The following LUZP2 variants were observed in gnomAD, a reference collection of about 807,000 sequenced individuals.
The protein encoded by LUZP2 is leucine zipper protein 2.
A neutral mutation model predicts 51.6 loss-of-function variants in LUZP2; 52 were observed. The ratio of observed to expected loss-of-function variants is 1.01; its 90% CI spans 0.81 to 1.27. LUZP2 has a LOEUF of 1.27. LUZP2 is among the 50% of genes most tolerant of loss of function. The pLI is 0.00. For missense variants in LUZP2, 436 were observed against 395.4 expected (o/e 1.10, Z -0.87); for synonymous variants, 154 against 137.3 (o/e 1.12, Z -0.85).
At chr11:24,656,175 G>A (rs780966070) in intron 1 of LUZP2, among the ~76,000 whole-genome samples, 5 of 152,142 alleles carry the variant, frequency 3.3e-5, no homozygotes, top group Admixed American at 6.6e-5. Flanking sequence ...TCTCAATGCT[G>A]CTTAGGAGTG....
intron 5 of LUZP2, among the ~76,000 whole-genome samples, chr11:24,769,884 C>T (rs1190747024): frequency 6.6e-6 from 1 of 151,952 alleles, no homozygotes; most frequent in African/African-American, 2.4e-5. Flanking sequence ...CCTCCGCCTC[C>T]CGGGTTCAAG....
intron 1 of LUZP2, among the ~76,000 whole-genome samples, chr11:24,723,707 T>C (rs1858365323): frequency 6.6e-6 from 1 of 152,080 alleles, no homozygotes; most frequent in Non-Finnish European, 1.5e-5. Context: ...GATGTGTGCC[T>C]ATAGTTCCAG....
intron 1 of LUZP2, among the ~76,000 whole-genome samples, chr11:24,687,371 G>T (rs1856928192): frequency 6.6e-6 from 1 of 152,120 alleles, no homozygotes; most frequent in African/African-American, 2.4e-5. Context: ...GATAAACAAA[G>T]TATGAGGTAG....
chr11:24,636,794 T>G (rs1486261122), intron 1 of LUZP2, among the ~76,000 whole-genome samples: 2 of 151,856 alleles, frequency 1.3e-5, no homozygotes, highest in Non-Finnish European at 2.9e-5. Flanking sequence ...ACCAGAGACA[T>G]AAGAAAATAT....
intron 1 of LUZP2, among the ~76,000 whole-genome samples, chr11:24,577,437 T>C (rs534594510): frequency 4.6e-5 from 7 of 152,134 alleles, no homozygotes; most frequent in Non-Finnish European, 1.0e-4. Context: ...ACTCCCAATA[T>C]GCTAGAGGCA....
chr11:24,574,756 G>T (rs1852587344), intron 1 of LUZP2, among the ~76,000 whole-genome samples: 1 of 151,958 alleles, frequency 6.6e-6, no homozygotes, highest in Non-Finnish European at 1.5e-5. Flanking sequence ...TGGGAGTTGG[G>T]GATTTTGTCT....
intron 7 of LUZP2, among the ~76,000 whole-genome samples, chr11:24,961,768 G>A (rs1355083720): frequency 6.6e-6 from 1 of 150,814 alleles, no homozygotes; most frequent in Non-Finnish European, 1.5e-5. Context: ...ATATTGTTAT[G>A]TGTGAATTTG....
chr11:24,833,811 G>A (rs1022689029), intron 5 of LUZP2, among the ~76,000 whole-genome samples: 1 of 149,788 alleles, frequency 6.7e-6, no homozygotes, highest in African/African-American at 2.5e-5. Context: ...TGTATTCAGA[G>A]GAAAAGGTTG....
At chr11:24,650,210 A>G (rs193121453) in intron 1 of LUZP2, among the ~76,000 whole-genome samples, 5 of 152,118 alleles carry the variant, frequency 3.3e-5, no homozygotes, top group Admixed American at 3.3e-4. Flanking sequence ...CAGATTCCTT[A>G]TGAACAGAGA....
At chr11:25,045,836 A>T (rs1858288882) in intron 9 of LUZP2, among the ~76,000 whole-genome samples, 1 of 152,146 alleles carries the variant, frequency 6.6e-6, no homozygotes, top group African/African-American at 2.4e-5. Flanking sequence ...TCCCTGTATC[A>T]TCCAGGCCTC....
intron 1 of LUZP2, among the ~76,000 whole-genome samples, chr11:24,721,624 G>T (rs961143769): frequency 9.2e-5 from 14 of 152,126 alleles, no homozygotes; most frequent in African/African-American, 2.9e-4. Context: ...AAAGGATTGT[G>T]CACTGAAAAC....
At chr11:24,894,365 G>A (rs1014024015) in intron 5 of LUZP2, among the ~76,000 whole-genome samples, 17 of 151,902 alleles carry the variant, frequency 1.1e-4, no homozygotes, top group African/African-American at 3.9e-4. Flanking sequence ...AGTAGAGATG[G>A]GATTTCACCA....
At chr11:24,696,207 G>A (rs1857242309) in intron 1 of LUZP2, among the ~76,000 whole-genome samples, 1 of 151,970 alleles carries the variant, frequency 6.6e-6, no homozygotes, top group Non-Finnish European at 1.5e-5. Context: ...TGACTATTTG[G>A]GGAAGGACAA....
chr11:24,585,739 T>C (rs1197790543), intron 1 of LUZP2, among the ~76,000 whole-genome samples: 1 of 152,006 alleles, frequency 6.6e-6, no homozygotes, highest in Non-Finnish European at 1.5e-5. Context: ...GACATACAGG[T>C]AAGGGGAGAA....
At chr11:24,911,063 A>G (rs936058062) in intron 6 of LUZP2, among the ~76,000 whole-genome samples, 4 of 152,106 alleles carry the variant, frequency 2.6e-5, no homozygotes, top group Non-Finnish European at 4.4e-5. Context: ...TGACTGCGCT[A>G]TTGGCTTTCA....
intron 9 of LUZP2, among the ~76,000 whole-genome samples, chr11:24,999,118 T>G (rs1012072849): frequency 2.0e-4 from 30 of 152,280 alleles, no homozygotes; most frequent in African/African-American, 7.0e-4. Flanking sequence ...ATTTCAATGT[T>G]ACATTTCATT....
chr11:24,857,478 C>G (rs1851606198), intron 5 of LUZP2, among the ~76,000 whole-genome samples: 1 of 151,384 alleles, frequency 6.6e-6, no homozygotes, highest in East Asian at 1.9e-4. Flanking sequence ...ATTCACAGTG[C>G]CACAATATTT....
At chr11:25,016,848 CA>C (rs1156369515) in intron 9 of LUZP2, among the ~76,000 whole-genome samples, 2 of 151,914 alleles carry the variant, frequency 1.3e-5, no homozygotes, top group African/African-American at 4.8e-5. Flanking sequence ...GAGAAATCGT[CA>C]CACGTTTTTC....
At chr11:24,959,281 A>G (rs1437882132) in intron 7 of LUZP2, among the ~76,000 whole-genome samples, 1 of 151,986 alleles carries the variant, frequency 6.6e-6, no homozygotes, top group East Asian at 1.9e-4. Flanking sequence ...GTTTTTTCCA[A>G]TTCTGTGAAG....
Sources: allele counts gnomAD v4.1 joint callset (sites outside exome capture counted in the v4.1 genomes callset), GRCh38; gene constraint gnomAD v4.1.1; transcripts MANE v1.5; gene names NCBI Gene and HGNC (gene_info 2026-07-23, HGNC 2026-07-21).